The following LINGO2 variants were observed in gnomAD, a reference collection of about 807,000 sequenced individuals.
LINGO2 encodes leucine rich repeat and Ig domain containing 2.
In LINGO2, 14 loss-of-function variants were observed where a neutral mutation model predicts 30.6. The observed-to-expected ratio is 0.46, with a 90% CI of 0.30 to 0.72. The LOEUF (loss-of-function observed/expected upper bound fraction) is 0.72. Ranked by LOEUF, LINGO2 falls within the 30% of genes least tolerant of loss-of-function variation. The probability of loss-of-function intolerance (pLI) is 0.07; values close to 1 mark genes in which losing one functional copy is unlikely to be tolerated. For missense variants in LINGO2, 729 were observed against 751.7 expected, an observed-to-expected ratio of 0.97 and a Z score of 0.35; for synonymous variants, 317 against 288.5, an observed-to-expected ratio of 1.10 and a Z score of -1.00.
intron 1 of LINGO2, among the ~76,000 whole-genome samples, chr9:28,605,948 A>G (rs1825675996): frequency 6.6e-6 from 1 of 152,052 alleles, no homozygotes; most frequent in Non-Finnish European, 1.5e-5. Flanking sequence ...CAGGTAGCTT[A>G]TGCTATCAGA....
chr9:28,167,150 C>CCA (rs1554681364), intron 4 of LINGO2, among the ~76,000 whole-genome samples: 2 of 139,236 alleles, frequency 1.4e-5, no homozygotes, highest in African/African-American at 5.2e-5. Context: ...CCCCCCCCCC[C>CCA]CACTTTTCTT....
the LINGO2 span, among the ~76,000 whole-genome samples, chr9:28,923,266 G>C: frequency 6.6e-6 from 1 of 152,198 alleles, no homozygotes; most frequent in Non-Finnish European, 1.5e-5. Context: ...GAGCTCCCCA[G>C]AGACATTGGC....
intron 1 of LINGO2, among the ~76,000 whole-genome samples, chr9:28,652,376 T>A (rs563557151): frequency 1.3e-5 from 2 of 152,302 alleles, no homozygotes; most frequent in South Asian, 4.1e-4. Context: ...AGAAGCTTGA[T>A]ACTGCTTAAT....
At chr9:28,621,985 C>T (rs1826420796) in intron 1 of LINGO2, among the ~76,000 whole-genome samples, 1 of 151,986 alleles carries the variant, frequency 6.6e-6, no homozygotes, top group South Asian at 2.1e-4. Flanking sequence ...TTACCACAAA[C>T]CTAGTTATTC....
chr9:28,443,437 T>C (rs1824279269), intron 2 of LINGO2, among the ~76,000 whole-genome samples: 1 of 152,128 alleles, frequency 6.6e-6, no homozygotes, highest in Non-Finnish European at 1.5e-5. Flanking sequence ...AGGAGCCCCA[T>C]ATTCCTGGGT....
chr9:28,799,188 T>C, the LINGO2 span, among the ~76,000 whole-genome samples: 4 of 152,204 alleles, frequency 2.6e-5, no homozygotes, highest in Admixed American at 1.3e-4. Flanking sequence ...GGAGTAGTGT[T>C]AGAAAGAGTG....
the LINGO2 span, among the ~76,000 whole-genome samples, chr9:29,000,085 A>C: frequency 6.6e-6 from 1 of 152,004 alleles, no homozygotes; most frequent in Non-Finnish European, 1.5e-5. Flanking sequence ...TTAATGACGT[A>C]ATTTTCCAGG....
chr9:29,147,349 T>C, the LINGO2 span, among the ~76,000 whole-genome samples: 2 of 152,114 alleles, frequency 1.3e-5, no homozygotes. Context: ...TGTTAATTCA[T>C]AAAGTATCTG....
the LINGO2 span, among the ~76,000 whole-genome samples, chr9:28,943,870 C>G: frequency 6.6e-6 from 1 of 152,056 alleles, no homozygotes; most frequent in Non-Finnish European, 1.5e-5. Flanking sequence ...GTTTAAGGGC[C>G]CAGTGAATCT....
the LINGO2 span, among the ~76,000 whole-genome samples, chr9:28,937,144 C>T: frequency 3.2e-4 from 48 of 152,200 alleles, no homozygotes; most frequent in East Asian, 8.9e-3. Flanking sequence ...CCATAATCTA[C>T]CCTCTGGTCC....
In LINGO2 at chr9:28,371,675, T is replaced by A. The variant is rs113746789; in HGVS notation, c.-246+1161A>T. On this transcript the variant is annotated intron_variant, in intron 3 of 5. Coordinates refer to ENST00000379992, the Ensembl canonical transcript of LINGO2. ...GTACCTTTATCCAAGGGTGCTCATA[T>A]ATAAATTCAGTTCTGAGTGTTCTAT... Among the ~76,000 whole-genome samples, 294 of 152,304 alleles carry A rather than the reference T, an allele frequency of 1.9e-3. 3 individuals carry two copies. Among genetic ancestry groups the A allele is most frequent in the African/African-American group, 6.3e-3 (260 of 41,588 alleles).
At chr9:29,095,108 C>T in the LINGO2 span, among the ~76,000 whole-genome samples, 68 of 138,680 alleles carry the variant, frequency 4.9e-4, 14 homozygotes, top group South Asian at 2.7e-3. Context: ...AGGAGTGCTT[C>T]TCTTTGTTTC....
intron 2 of LINGO2, among the ~76,000 whole-genome samples, chr9:28,439,171 TATAG>T (rs1035459031): frequency 1.9e-4 from 28 of 149,464 alleles, no homozygotes; most frequent in African/African-American, 4.6e-4. Flanking sequence ...ATTTACACAT[TATAG>T]ATAATGAAAT....
the LINGO2 span, among the ~76,000 whole-genome samples, chr9:28,745,352 C>T: frequency 6.6e-6 from 1 of 152,032 alleles, no homozygotes; most frequent in Non-Finnish European, 1.5e-5. Flanking sequence ...AGTCAGCTCT[C>T]ATCTTGCTTT....
chr9:28,603,649 A>G (rs1825585493), intron 1 of LINGO2, among the ~76,000 whole-genome samples: 1 of 152,050 alleles, frequency 6.6e-6, no homozygotes, highest in Admixed American at 6.6e-5. Flanking sequence ...CTTTGGGAAA[A>G]ATGAAAGAGG....
chr9:28,659,128 G>A (rs909464543), intron 1 of LINGO2, among the ~76,000 whole-genome samples: 3 of 152,014 alleles, frequency 2.0e-5, no homozygotes, highest in Admixed American at 6.6e-5. Flanking sequence ...GGACATATTA[G>A]AATCCACAGT....
At chr9:28,356,133 T>G (rs1331912) in intron 3 of LINGO2, among the ~76,000 whole-genome samples, 2,273 of 152,288 alleles carry the variant, frequency 0.015, 51 homozygotes, top group African/African-American at 0.053. Context: ...CTAAAATGTC[T>G]TAATTGTCAT....
chr9:29,083,132 A>G, the LINGO2 span, among the ~76,000 whole-genome samples: 1,805 of 152,274 alleles, frequency 0.012, 14 homozygotes, highest in Admixed American at 0.018. Flanking sequence ...ACACATGCAC[A>G]CGTATGTTTA....
intron 4 of LINGO2, among the ~76,000 whole-genome samples, chr9:28,103,964 C>T (rs552385764): frequency 1.2e-4 from 19 of 152,144 alleles, no homozygotes; most frequent in African/African-American, 4.6e-4. Context: ...ATTACTTTTC[C>T]TTTGATTGCA....
Sources: allele counts gnomAD v4.1 joint callset (sites outside exome capture counted in the v4.1 genomes callset), GRCh38; gene constraint gnomAD v4.1.1; transcripts MANE v1.5; gene names NCBI Gene and HGNC (gene_info 2026-07-23, HGNC 2026-07-21).